QTMAN: variants seen among roughly 807,000 people sequenced by gnomAD.
The protein encoded by QTMAN is queuosine-tRNA mannosyltransferase, also known as tRNA-queuosine alpha-mannosyltransferase.
At chr2:144,182,849 TA>T in the QTMAN span, among the ~76,000 whole-genome samples, 2 of 64,914 alleles carry the variant, frequency 3.1e-5, no homozygotes, top group African/African-American at 1.4e-4. Context: ...ATTATATATA[TA>T]TTTTATATAT....
chr2:144,280,587 T>A, the QTMAN span, among the ~76,000 whole-genome samples: 1 of 151,946 alleles, frequency 6.6e-6, no homozygotes, highest in South Asian at 2.1e-4. Context: ...ACTGATAAAT[T>A]TGCCATTAAA....
chr2:144,012,097 A>G, the QTMAN span, among the ~76,000 whole-genome samples: 1 of 151,996 alleles, frequency 6.6e-6, no homozygotes, highest in African/African-American at 2.4e-5. Context: ...CTTTCCAACC[A>G]ATAGCCAATA....
chr2:143,987,489 TC>T, the QTMAN span, among the ~76,000 whole-genome samples: 2 of 152,256 alleles, frequency 1.3e-5, no homozygotes, highest in African/African-American at 2.4e-5. Flanking sequence ...GCCTGACTTT[TC>T]CAGGCAGAAT....
the QTMAN span, among the ~76,000 whole-genome samples, chr2:144,020,947 A>C: frequency 2.0e-5 from 3 of 152,120 alleles, no homozygotes; most frequent in Non-Finnish European, 4.4e-5. Context: ...GCTGAATGAT[A>C]AAGTGGAGAA....
the QTMAN span, among the ~76,000 whole-genome samples, chr2:144,312,337 T>C: frequency 6.6e-6 from 1 of 151,964 alleles, no homozygotes; most frequent in Non-Finnish European, 1.5e-5. Context: ...AGCTGGGAAA[T>C]ACACTCTTAG....
chr2:143,992,506 G>A, the QTMAN span, among the ~76,000 whole-genome samples: 1 of 150,110 alleles, frequency 6.7e-6, no homozygotes, highest in Non-Finnish European at 1.5e-5. Flanking sequence ...ATCCCCCTCT[G>A]TGAGAAACAC....
At chr2:144,146,607 CAA>C in the QTMAN span, among the ~76,000 whole-genome samples, 1 of 151,656 alleles carries the variant, frequency 6.6e-6, no homozygotes, top group Non-Finnish European at 1.5e-5. Flanking sequence ...GAGACATACA[CAA>C]AACATTAGAG....
At chr2:144,148,045 G>A in the QTMAN span, among the ~76,000 whole-genome samples, 1 of 151,722 alleles carries the variant, frequency 6.6e-6, no homozygotes, top group Non-Finnish European at 1.5e-5. Context: ...GACACTGGAA[G>A]GGAAAAGAAC....
the QTMAN span, among the ~76,000 whole-genome samples, chr2:143,967,461 G>T: frequency 1.3e-5 from 2 of 151,986 alleles, no homozygotes; most frequent in Non-Finnish European, 2.9e-5. Flanking sequence ...CTCCCAAGTT[G>T]CTGGGATTAC....
At chr2:144,060,969 T>C in the QTMAN span, among the ~76,000 whole-genome samples, 1 of 152,288 alleles carries the variant, frequency 6.6e-6, no homozygotes, top group East Asian at 1.9e-4. Context: ...GAAAAATAAT[T>C]TTAGAGAATC....
At chr2:144,039,730 G>C in the QTMAN span, among the ~76,000 whole-genome samples, 1 of 152,080 alleles carries the variant, frequency 6.6e-6, no homozygotes, top group Non-Finnish European at 1.5e-5. Flanking sequence ...TTTAAGTAGA[G>C]GTTTACAGGG....
chr2:144,317,372 A>AGGAAGGAAGGAT, the QTMAN span: 2 of 126,540 alleles, frequency 1.6e-5, no homozygotes, highest in Admixed American at 8.3e-5. Context: ...AGGGGAAGGA[A>AGGAAGGAAGGAT]GGAAGGAAGG....
At chr2:144,080,560 G>A in the QTMAN span, among the ~76,000 whole-genome samples, 10 of 152,066 alleles carry the variant, frequency 6.6e-5, no homozygotes, top group African/African-American at 1.9e-4. Context: ...TTATGTCTCC[G>A]TAAGGTTTCA....
the QTMAN span, among the ~76,000 whole-genome samples, chr2:144,123,085 A>G: frequency 1.3e-5 from 2 of 152,190 alleles, no homozygotes; most frequent in Non-Finnish European, 2.9e-5. Flanking sequence ...TTACTTATCA[A>G]TTACTTTTTA....
chr2:144,201,059 T>A, the QTMAN span, among the ~76,000 whole-genome samples: 84 of 152,162 alleles, frequency 5.5e-4, 1 homozygote, highest in Non-Finnish European at 2.2e-4. Context: ...AAGATAGATA[T>A]GACTCTTGTC....
the QTMAN span, among the ~76,000 whole-genome samples, chr2:144,216,814 G>C: frequency 6.6e-6 from 1 of 152,042 alleles, no homozygotes; most frequent in Non-Finnish European, 1.5e-5. Context: ...CATAAATTTT[G>C]AAAATCATCT....
At chr2:144,260,523 A>G in the QTMAN span, among the ~76,000 whole-genome samples, 12 of 152,102 alleles carry the variant, frequency 7.9e-5, no homozygotes, top group African/African-American at 2.4e-4. Flanking sequence ...AATATTATTT[A>G]AATCATAAAT....
At chr2:143,961,834 G>A in the QTMAN span, among the ~76,000 whole-genome samples, 1 of 152,056 alleles carries the variant, frequency 6.6e-6, no homozygotes, top group South Asian at 2.1e-4. Context: ...GAAAAAAATG[G>A]ATTCTCACAG....
At chr2:144,019,616 AT>A in the QTMAN span, among the ~76,000 whole-genome samples, 2 of 152,122 alleles carry the variant, frequency 1.3e-5, no homozygotes, top group African/African-American at 4.8e-5. Context: ...ATTGATAGTG[AT>A]TTTACATAGA....
Sources: allele counts gnomAD v4.1 joint callset (sites outside exome capture counted in the v4.1 genomes callset), GRCh38; gene constraint gnomAD v4.1.1; transcripts MANE v1.5; gene names NCBI Gene and HGNC (gene_info 2026-07-23, HGNC 2026-07-21).